The following BORCS5 variants were observed in gnomAD, a reference collection of about 807,000 sequenced individuals.
BORCS5 encodes BLOC-1-related complex subunit 5.
In BORCS5, 17 loss-of-function variants were observed where a neutral mutation model predicts 22.1. The observed-to-expected ratio is 0.77, with a 90% CI of 0.53 to 1.15. The LOEUF (loss-of-function observed/expected upper bound fraction) is 1.15. Among genes scored for constraint, BORCS5 ranks in the 50% most tolerant of loss-of-function variants. The probability of loss-of-function intolerance (pLI) is 0.00; values close to 1 mark genes in which losing one functional copy is unlikely to be tolerated. For missense variants in BORCS5, 247 were observed against 253.2 expected, an observed-to-expected ratio of 0.98 and a Z score of 0.17; for synonymous variants, 117 against 99.8, an observed-to-expected ratio of 1.17 and a Z score of -1.03.
rs116412809 is a variant in BORCS5 at position 12,368,377 on chromosome 12, A to T, written c.202+7028A>T. Among the ~76,000 whole-genome samples the T allele has an allele frequency of 1.6e-3, 246 of 151,782 alleles. 3 individuals carry two copies. The highest frequency in any genetic ancestry group is 5.8e-3 in the African/African-American group (239 of 41,372). ...GAAAAACAAGATTCTAAGGCGCTTT[A>T]AGTATTCTGAAATGTAGCCATTAAG... On this transcript the variant is annotated intron_variant, in intron 2 of 3. Transcript: ENST00000314565.
intron 3 of BORCS5, among the ~76,000 whole-genome samples, chr12:12,457,037 T>C (rs889102837): frequency 1.3e-5 from 2 of 152,212 alleles, no homozygotes; most frequent in Admixed American, 6.5e-5. Flanking sequence ...ACTACATTTC[T>C]TATCTTGCTT....
Position 12,414,690 on chromosome 12 carries a change from A to ACCC in BORCS5, c.203-20932_203-20930dup, listed in dbSNP as rs1266094128. Among the ~76,000 whole-genome samples the ACCC allele has an allele frequency of 8.7e-3, 634 of 72,710 alleles. 5 individuals carry two copies. The highest frequency in any genetic ancestry group is 0.012 in the Non-Finnish European group (454 of 36,436). 47.7% of individuals were successfully genotyped at this position (72,710 alleles called of 152,430 possible). A position where few individuals can be genotyped will look rare whatever the true frequency, so the allele number is the denominator to read the frequency against. On this transcript the variant is annotated intron_variant, in intron 2 of 3. Transcript: ENST00000314565. ...GGGCGGCTGGCCGGGCGGGGGGCTG[A>ACCC]CCCCCCCCACCTCCCTCCCGGATGG...
chr12:12,394,556 A>G (rs576010437), intron 2 of BORCS5, among the ~76,000 whole-genome samples: 1 of 152,078 alleles, frequency 6.6e-6, no homozygotes, highest in East Asian at 1.9e-4. Flanking sequence ...AAAAAAATTT[A>G]AAGAGACAGA....
chr12:12,387,258 G>C (rs146718069), intron 2 of BORCS5, among the ~76,000 whole-genome samples: 1 of 151,374 alleles, frequency 6.6e-6, no homozygotes, highest in Admixed American at 6.6e-5. Flanking sequence ...TTTGCCAGCT[G>C]AAGGAATCGG....
chr12:12,406,476 G>C (rs370116403), intron 2 of BORCS5, among the ~76,000 whole-genome samples: 8 of 152,206 alleles, frequency 5.3e-5, no homozygotes, highest in African/African-American at 1.7e-4. Flanking sequence ...AGGAACCCAT[G>C]ATGAGTTAAC....
intron 2 of BORCS5, among the ~76,000 whole-genome samples, chr12:12,394,709 CATGGTTG>C (rs1941288291): frequency 6.6e-6 from 1 of 151,894 alleles, no homozygotes; most frequent in African/African-American, 2.4e-5. Context: ...AAACAAACCT[CATGGTTG>C]ACTTAAAGTG....
chr12:12,450,027 G>GTC (rs775180673), intron 3 of BORCS5, among the ~76,000 whole-genome samples: 2 of 152,196 alleles, frequency 1.3e-5, no homozygotes, highest in Non-Finnish European at 2.9e-5. Flanking sequence ...AGAAATAATT[G>GTC]TCTTGAAAAG....
chr12:12,468,663 G>A lies in BORCS5; in HGVS notation c.*2887G>A, dbSNP rs1943239674. 1 of 152,192 alleles carries A rather than the reference G, an allele frequency of 6.6e-6. No individual in the cohort carries two copies. The highest frequency in any genetic ancestry group is 1.5e-5 in the Non-Finnish European group (1 of 68,044). The allele number at this position is 152,192 out of a possible 1,614,324, so 9.4% of individuals were successfully genotyped here. A position where few individuals can be genotyped will look rare whatever the true frequency, so the allele number is the denominator to read the frequency against. On this transcript the variant is annotated 3_prime_UTR_variant, in exon 4 of 4. Coordinates refer to ENST00000314565, the MANE Select transcript of BORCS5 (RefSeq NM_058169.6). ...AGTGACTAAATTCCGAGCTCCCAAGGTGCAGCTGCTTTTCTTCCTTTTAAT... is the reference window on the plus strand; with the variant it reads ...AGTGACTAAATTCCGAGCTCCCAAGATGCAGCTGCTTTTCTTCCTTTTAAT...
At chr12:12,435,444 A>G (rs925189869) in intron 2 of BORCS5, among the ~76,000 whole-genome samples, 184 bp from the exon 3 acceptor site, 1 of 152,220 alleles carries the variant, frequency 6.6e-6, no homozygotes, top group Non-Finnish European at 1.5e-5. Context: ...GCACTTAGCA[A>G]AAGTGCTTGG....
chr12:12,418,598 G>A lies in BORCS5; in HGVS notation c.203-17030G>A, dbSNP rs147174563. On this transcript the variant is annotated intron_variant, in intron 2 of 3. Transcript: ENST00000314565. ...GCTACTTGGGAGTCTAAGGCAGGAG[G>A]ATTGTTTGAGCCCAGGAATTCGAAG... Among the ~76,000 whole-genome samples the A allele has an allele frequency of 3.3e-3, 509 of 152,266 alleles. 3 individuals are homozygous for A. Among genetic ancestry groups the A allele is most frequent in the Non-Finnish European group, 6.0e-3 (409 of 68,004 alleles).
intron 2 of BORCS5, among the ~76,000 whole-genome samples, chr12:12,424,366 G>T (rs10772562): frequency 0.22 from 33,205 of 152,094 alleles, 4,719 homozygotes; most frequent in Admixed American, 0.3. Context: ...TTCAGTTCCA[G>T]AACTTATTTT....
At chr12:12,414,993 G>T (rs151241367) in intron 2 of BORCS5, among the ~76,000 whole-genome samples, 3 of 99,732 alleles carry the variant, frequency 3.0e-5, no homozygotes, top group African/African-American at 1.0e-4. Flanking sequence ...GATGGGATGG[G>T]GGTGGGGAAG....
intron 2 of BORCS5, among the ~76,000 whole-genome samples, chr12:12,400,589 G>GAGA (rs1555148857): frequency 0.019 from 2,571 of 138,838 alleles, 84 homozygotes; most frequent in African/African-American, 0.062. Context: ...TCAGCATACA[G>GAGA]AAAAAAAAAA....
At chr12:12,401,934 T>A (rs547147177) in intron 2 of BORCS5, among the ~76,000 whole-genome samples, 1 of 151,128 alleles carries the variant, frequency 6.6e-6, no homozygotes, top group Non-Finnish European at 1.5e-5. Context: ...GGCTTGGTGG[T>A]GGGCGCCTGT....
At chr12:12,382,063 A>G (rs1267575917) in intron 2 of BORCS5, among the ~76,000 whole-genome samples, 1 of 151,386 alleles carries the variant, frequency 6.6e-6, no homozygotes, top group Non-Finnish European at 1.5e-5. Flanking sequence ...TATTTTATCT[A>G]ATATTAATAG....
Position 12,467,602 on chromosome 12 carries a change from CAGA to C in BORCS5, c.*1831_*1833del, listed in dbSNP as rs1943224154. The C allele has an allele frequency of 6.6e-6, 1 of 152,174 alleles. No individual in the cohort carries two copies. Among genetic ancestry groups the C allele is most frequent in the Non-Finnish European group, 1.5e-5 (1 of 68,036 alleles). The allele number at this position is 152,174 out of a possible 1,614,324, so 9.4% of individuals were successfully genotyped here. On this transcript the variant is annotated 3_prime_UTR_variant, in exon 4 of 4. Transcript: ENST00000314565. Reference sequence around the variant, plus strand: ...ACTGGGTGGAAGCGGAGAAGTATGGCAGAAGAACAATAGGCAAATTCAATACTC... The same window carrying C: ...ACTGGGTGGAAGCGGAGAAGTATGGCAGAACAATAGGCAAATTCAATACTC...
intron 2 of BORCS5, among the ~76,000 whole-genome samples, chr12:12,420,332 G>A (rs1314749534): frequency 6.6e-6 from 1 of 152,094 alleles, no homozygotes; most frequent in African/African-American, 2.4e-5. Context: ...TTTTTATCAG[G>A]TTTGTCAAAA....
At chr12:12,381,022 T>A (rs2136043991) in intron 2 of BORCS5, among the ~76,000 whole-genome samples, 1 of 148,704 alleles carries the variant, frequency 6.7e-6, no homozygotes, top group Non-Finnish European at 1.5e-5. Context: ...TTTTTTTTTT[T>A]TTTTTTTGAG....
intron 2 of BORCS5, among the ~76,000 whole-genome samples, chr12:12,391,399 T>G (rs1219009038): frequency 6.6e-6 from 1 of 151,056 alleles, no homozygotes; most frequent in African/African-American, 2.4e-5. Flanking sequence ...ATGACCTTTT[T>G]TTTTGAGACA....
Sources: gnomAD v4.1 joint callset for allele counts (sites outside exome capture counted in the v4.1 genomes callset) on GRCh38, gnomAD v4.1.1 for gene constraint, MANE v1.5 for transcripts, NCBI Gene and HGNC (gene_info 2026-07-23, HGNC 2026-07-21) for gene names.